Variants in GRHL1 observed in about 807,000 individuals in gnomAD.
GRHL1 encodes grainyhead-like protein 1 homolog.
GRHL1 carries 38 observed loss-of-function variants against 75.7 expected under a neutral mutation model. The ratio of observed to expected loss-of-function variants is 0.50; its 90% CI spans 0.39 to 0.66. The LOEUF (loss-of-function observed/expected upper bound fraction) is 0.66, where lower values mean the gene tolerates loss of function less well. GRHL1 is among the 30% of genes least tolerant of loss of function. The probability of loss-of-function intolerance (pLI) is 0.00; values close to 1 mark genes in which losing one functional copy is unlikely to be tolerated. For synonymous variants in GRHL1, 266 were observed against 279.4 expected (o/e 0.95, Z 0.48); for missense variants, 589 against 767.5 (o/e 0.77, Z 2.75).
At chr2:9,956,024 A>G (rs1209317246) in intron 2 of GRHL1, among the ~76,000 whole-genome samples, 2 of 152,256 alleles carry the variant, frequency 1.3e-5, no homozygotes, top group African/African-American at 4.8e-5. Context: ...GTACCTGTAT[A>G]AAAACAGGAT....
At position 10,001,740 on chromosome 2, in the gene GRHL1, ATCAG is replaced by A. The variant is rs1669276303; in HGVS notation, c.*1038_*1041del. On this transcript the variant is annotated 3_prime_UTR_variant, in exon 16 of 16. Transcript: ENST00000324907. Reference sequence around the variant, plus strand: ...CAATCACGTCTTTTGTTATGCTAGTATCAGTCAGATGCACTTAGAGTGAAGAAAC... The same window carrying A: ...CAATCACGTCTTTTGTTATGCTAGTATCAGATGCACTTAGAGTGAAGAAAC... The A allele has an allele frequency of 6.6e-6, 1 of 152,290 alleles. No individual in the cohort carries two copies. The highest frequency in any genetic ancestry group is 2.4e-5 in the African/African-American group (1 of 41,478). 9.4% of individuals were successfully genotyped at this position (152,290 alleles called of 1,614,324 possible).
chr2:9,989,545 G>A (rs1017406335), intron 9 of GRHL1, among the ~76,000 whole-genome samples: 1 of 152,004 alleles, frequency 6.6e-6, no homozygotes, highest in Admixed American at 6.6e-5. Flanking sequence ...AGGACTCTGA[G>A]TACACTTTTT....
At chr2:9,970,854 C>T (rs1354694121) in intron 8 of GRHL1, among the ~76,000 whole-genome samples, 2 of 152,162 alleles carry the variant, frequency 1.3e-5, no homozygotes, top group Non-Finnish European at 2.9e-5. Context: ...GCTCATGTTA[C>T]AAAGGAAAGA....
At chr2:9,973,857 C>T (rs1387153139) in intron 8 of GRHL1, among the ~76,000 whole-genome samples, 2 of 152,172 alleles carry the variant, frequency 1.3e-5, no homozygotes, top group African/African-American at 2.4e-5. Context: ...CCTGTGTCCA[C>T]GACCGCTGCT....
chr2:9,999,432 G>A (rs549989911), intron 15 of GRHL1, among the ~76,000 whole-genome samples: 4 of 152,364 alleles, frequency 2.6e-5, no homozygotes, highest in South Asian at 2.1e-4. Context: ...CAGCACCTCC[G>A]TGTGTCGAGC....
intron 2 of GRHL1, 134 bp from the exon 3 acceptor site, chr2:9,958,652 A>G (rs1375957222): frequency 1.6e-6 from 1 of 644,104 alleles, no homozygotes; most frequent in African/African-American, 1.8e-5. Flanking sequence ...GTGTGTCCCC[A>G]TAGCCTGGTG....
chr2:9,954,770 G>T (rs1666939347), intron 1 of GRHL1, 145 bp from the exon 2 acceptor site: 2 of 737,384 alleles, frequency 2.7e-6, no homozygotes, highest in Non-Finnish European at 4.7e-6. Flanking sequence ...TACGTGGTTT[G>T]TCTTCTGGTC....
chr2:9,998,448 G>GTGTGTGTGTGTGTGTT (rs1553306800), intron 14 of GRHL1, among the ~76,000 whole-genome samples: 6 of 71,162 alleles, frequency 8.4e-5, no homozygotes, highest in Admixed American at 1.8e-4. Flanking sequence ...GTGTGTGTGT[G>GTGTGTGTGTGTGTGTT]TATATATATA....
At chr2:9,963,836 A>G (rs755326860) in intron 5 of GRHL1, 50 bp from the exon 6 acceptor site, 5 of 1,330,184 alleles carry the variant, frequency 3.8e-6, no homozygotes, top group African/African-American at 2.9e-5. Context: ...ATGTATAGCA[A>G]GCTTCCACGA....
chr2:10,000,564 G>A (rs1434876788), intron 15 of GRHL1, 29 bp from the exon 16 acceptor site: 1 of 1,325,624 alleles, frequency 7.5e-7, no homozygotes, highest in Admixed American at 1.7e-5. Context: ...TGGCAGTGAA[G>A]TTGGTTGGTC....
intron 8 of GRHL1, chr2:9,966,520 G>A (rs1572347173): frequency 6.6e-6 from 1 of 152,164 alleles, no homozygotes; most frequent in African/African-American, 2.4e-5. Flanking sequence ...CAGAGACCTG[G>A]TAGAAAGAAG....
chr2:9,999,499 C>A (rs1406502524), intron 15 of GRHL1, among the ~76,000 whole-genome samples: 1 of 152,216 alleles, frequency 6.6e-6, no homozygotes, highest in East Asian at 1.9e-4. Flanking sequence ...TTGGTCTTCA[C>A]GTCTTCTTTC....
intron 9 of GRHL1, among the ~76,000 whole-genome samples, chr2:9,986,593 T>A (rs1248178326): frequency 2.0e-5 from 3 of 152,038 alleles, no homozygotes; most frequent in Admixed American, 6.5e-5. Context: ...GTTTTTTGTA[T>A]TTTTAGTAGA....
intron 8 of GRHL1, among the ~76,000 whole-genome samples, chr2:9,977,421 A>G (rs1021859463): frequency 6.6e-6 from 1 of 152,214 alleles, no homozygotes; most frequent in African/African-American, 2.4e-5. Flanking sequence ...CCGGGGATCA[A>G]GCAATTCTCG....
At chr2:9,965,255 G>A (rs747515968) in intron 7 of GRHL1, 32 bp from the exon 8 acceptor site, 1 of 1,210,812 alleles carries the variant, frequency 8.3e-7, no homozygotes, top group Non-Finnish European at 1.2e-6. Context: ...AGACTCATGA[G>A]TTTTCATTTT....
In GRHL1 at chr2:9,964,578, GC is replaced by G. The variant is rs1396149025; in HGVS notation, c.1015+234del. 17 of 411,374 alleles carry G rather than the reference GC, an allele frequency of 4.1e-5. No individual in the cohort carries two copies. In the East Asian group the frequency reaches 6.5e-4, roughly 16 times the overall value. 25.5% of individuals were successfully genotyped at this position (411,374 alleles called of 1,614,324 possible). ...TGGTGGCTTTCCACAGGACACTAGG[GC>G]CAGAAGCCATGTAGCTGGCTAACCT... On this transcript the variant is annotated intron_variant, in intron 7 of 15. Transcript: ENST00000324907.
At chr2:9,971,534 T>C (rs1667723895) in intron 8 of GRHL1, among the ~76,000 whole-genome samples, 1 of 152,230 alleles carries the variant, frequency 6.6e-6, no homozygotes, top group Non-Finnish European at 1.5e-5. Context: ...TGCATTTCTA[T>C]CCTTAAGACC....
intron 8 of GRHL1, among the ~76,000 whole-genome samples, chr2:9,984,309 CCT>C (rs1359481820): frequency 6.6e-6 from 1 of 151,914 alleles, no homozygotes; most frequent in African/African-American, 2.4e-5. Flanking sequence ...GGAATCTTCC[CCT>C]GTCAGCTCAC....
chr2:10,000,211 C>T (rs1022227394), intron 15 of GRHL1, among the ~76,000 whole-genome samples: 1 of 152,198 alleles, frequency 6.6e-6, no homozygotes, highest in South Asian at 2.1e-4. Context: ...GTCTCAAACT[C>T]TTGGGCTCAA....
Sources: gnomAD v4.1 joint callset for allele counts (sites outside exome capture counted in the v4.1 genomes callset) on GRCh38, gnomAD v4.1.1 for gene constraint, MANE v1.5 for transcripts, NCBI Gene and HGNC (gene_info 2026-07-23, HGNC 2026-07-21) for gene names.